Variants in EHD4 observed in about 807,000 individuals in gnomAD.
EHD4 encodes EH domain-containing protein 4.
In EHD4, 37 loss-of-function variants were observed where a neutral mutation model predicts 51.0. The observed-to-expected ratio is 0.73, with a 90% CI of 0.56 to 0.95. EHD4 has a LOEUF of 0.95. EHD4 is among the 40% of genes least tolerant of loss of function. EHD4 has a pLI of 0.00. For synonymous variants in EHD4, 297 were observed against 317.3 expected (o/e 0.94, Z 0.68); for missense variants, 632 against 733.1 (o/e 0.86, Z 1.59).
intron 1 of EHD4, among the ~76,000 whole-genome samples, chr15:41,966,722 C>T (rs757645068): frequency 6.6e-6 from 1 of 152,200 alleles, no homozygotes; most frequent in Non-Finnish European, 1.5e-5. Flanking sequence ...CTGAAGCTTG[C>T]ACATCCTGGT....
chr15:41,921,753 T>C (rs2067627043), intron 3 of EHD4: 1 of 152,230 alleles, frequency 6.6e-6, no homozygotes, highest in Non-Finnish European at 1.5e-5. Flanking sequence ...TGAGTTGCTT[T>C]TGCTGAATAC....
intron 5 of EHD4, among the ~76,000 whole-genome samples, chr15:41,904,936 T>C (rs2067502981): frequency 6.6e-6 from 1 of 152,178 alleles, no homozygotes. Flanking sequence ...CAGAATACAC[T>C]CTCCTCTCAC....
At chr15:41,952,222 C>T (rs572556589) in intron 2 of EHD4, among the ~76,000 whole-genome samples, 5 of 152,292 alleles carry the variant, frequency 3.3e-5, no homozygotes, top group African/African-American at 1.2e-4. Flanking sequence ...TGAGGCGCTT[C>T]GGCCTTTGGG....
chr15:41,931,004 G>A (rs553506418), intron 3 of EHD4, among the ~76,000 whole-genome samples: 6 of 152,226 alleles, frequency 3.9e-5, no homozygotes, highest in Non-Finnish European at 5.9e-5. Flanking sequence ...TGGTGGGCAT[G>A]TAAACAGGCA....
rs776942412 is a variant in EHD4, at chr15:41,972,244, G to A, written c.236+15C>T. The A allele has an allele frequency of 6.5e-6, 10 of 1,533,284 alleles. No individual in the cohort carries two copies. The Admixed American group carries it at 1.4e-4, about 21-fold the overall frequency. 95.0% of individuals were successfully genotyped at this position (1,533,284 alleles called of 1,614,324 possible). ...CGGAGCGGGGCGGGAGCCGGGCGAGGGGCGGTGACGGTACCTGATGAAGGT... is the reference window on the plus strand; with the variant it reads ...CGGAGCGGGGCGGGAGCCGGGCGAGAGGCGGTGACGGTACCTGATGAAGGT... On this transcript the variant is annotated intron_variant, in intron 1 of 5. Transcript: ENST00000220325.
At chr15:41,964,301 A>C (rs2067947138) in intron 1 of EHD4, among the ~76,000 whole-genome samples, 1 of 152,180 alleles carries the variant, frequency 6.6e-6, no homozygotes, top group African/African-American at 2.4e-5. Context: ...AAATTAAAAT[A>C]AGTCTGTTCT....
chr15:41,954,583 G>C (rs987650513), intron 1 of EHD4, among the ~76,000 whole-genome samples: 1 of 152,180 alleles, frequency 6.6e-6, no homozygotes, highest in African/African-American at 2.4e-5. Flanking sequence ...TTAAAAGAAT[G>C]AGAAATTAAG....
intron 1 of EHD4, among the ~76,000 whole-genome samples, chr15:41,957,583 C>A (rs746942084): frequency 4.4e-4 from 67 of 152,166 alleles, no homozygotes; most frequent in Middle Eastern, 3.2e-3. Flanking sequence ...GTCAAACTCA[C>A]AGGGTGGCCA....
rs766423022 is a variant in EHD4 at position 41,903,336 on chromosome 15, A to AAAC, written c.1090-2156_1090-2155insGTT. Among the ~76,000 whole-genome samples, 127 of 134,750 alleles carry AAAC rather than the reference A, an allele frequency of 9.4e-4. 2 individuals are homozygous for AAAC. Among genetic ancestry groups the AAAC allele is most frequent in the Non-Finnish European group, 1.3e-3 (78 of 58,952 alleles). 88.4% of individuals were successfully genotyped at this position (134,750 alleles called of 152,430 possible). On this transcript the variant is annotated intron_variant, in intron 5 of 5. Transcript: ENST00000220325. ...AAATATCATGCTTTCTTGTAAAAAAAAAAAACAGAAAAAACTGGTAAGCAA... is the reference window on the plus strand; with the variant it reads ...AAATATCATGCTTTCTTGTAAAAAAAAACAAAAACAGAAAAAACTGGTAAGCAA...
rs1186932187 is a variant in EHD4 at position 41,900,926 on chromosome 15, G to C, written c.1345C>G (p.Pro449Ala). Reference protein sequence around the residue: ...EEEWVVAKDKPVYDELFYTLS... With the variant: ...EEEWVVAKDKAVYDELFYTLS... ...GTGTAGAAGAGCTCGTCGTAGACGG[G>C]CTTGTCTTTGGCCACGACCCACTCC... Residue 449 changes from proline (P) to alanine (A), a missense_variant, in exon 6 of 6, where the codon CCC becomes GCC. Coordinates refer to ENST00000220325, the MANE Select transcript of EHD4 (RefSeq NM_139265.4). The surrounding 1 kb of genome is among the most constrained non-coding windows in gnomAD (Gnocchi z 4.8). The C allele has an allele frequency of 1.2e-6, 2 of 1,614,008 alleles. No homozygotes were observed. The highest frequency in any genetic ancestry group is 1.7e-6 in the Non-Finnish European group (2 of 1,180,000).
At chr15:41,948,404 T>C (rs1018650193) in intron 2 of EHD4, among the ~76,000 whole-genome samples, 12 of 152,234 alleles carry the variant, frequency 7.9e-5, no homozygotes, top group African/African-American at 2.9e-4. Context: ...GTGATCGGCC[T>C]GCCTCGGCCT....
At position 41,900,658 on chromosome 15, in the gene EHD4, G is replaced by C; in HGVS notation, c.1613C>G (p.Pro538Arg). Reference sequence around the variant, plus strand: ...GCAGCCCACCCCTCAGTCGGCCTTGGGCAGGGACTTCCTGTGCGAGGGGGG... The same window carrying C: ...GCAGCCCACCCCTCAGTCGGCCTTGCGCAGGGACTTCCTGTGCGAGGGGGG... The part of the protein sequence containing the change: ...LVPPSHRKSL[P>R]KAD Residue 538 changes from proline to arginine, a missense_variant, in exon 6 of 6, where the codon CCC (proline) becomes CGC (arginine). Transcript: ENST00000220325. This position sits in a 1 kb window ranked among gnomAD's most constrained non-coding sequence, Gnocchi z 4.8. The C allele has an allele frequency of 6.3e-7, 1 of 1,594,948 alleles. No individual in the cohort carries two copies. The highest frequency in any genetic ancestry group is 1.1e-5 in the South Asian group (1 of 90,654).
chr15:41,968,536 T>C (rs1171454403), intron 1 of EHD4, among the ~76,000 whole-genome samples: 1 of 146,426 alleles, frequency 6.8e-6, no homozygotes, highest in African/African-American at 2.5e-5. Flanking sequence ...ACGATCCACC[T>C]ACCTCAGTCT....
chr15:41,917,706 G>C lies in EHD4; in HGVS notation c.924+1504C>G, dbSNP rs191163482. 3.2e-3 allele frequency among the ~76,000 whole-genome samples: 494 copies of C among 152,292 alleles called. 12 individuals are homozygous for C. The highest frequency in any genetic ancestry group is 2.1e-3 in the South Asian group (10 of 4,828). On this transcript the variant is annotated intron_variant, in intron 4 of 5. Coordinates refer to ENST00000220325, the MANE Select transcript of EHD4 (RefSeq NM_139265.4). The stretch of plus-strand genomic sequence containing the variant: ...TTCCTGCTACCAAGCATTAGGCCCA[G>C]GACAAGGGCGAGGGCAAAATCATTT...
intron 2 of EHD4, among the ~76,000 whole-genome samples, chr15:41,945,851 C>A (rs2067808611): frequency 2.0e-5 from 3 of 152,238 alleles, no homozygotes; most frequent in South Asian, 2.1e-4. Flanking sequence ...AGTGAAGAAC[C>A]TGGGCTCTGC....
At position 41,943,079 on chromosome 15, in the gene EHD4, G is replaced by A. The variant is rs199518749; in HGVS notation, c.499C>T (p.Arg167Cys). 6.3e-6 allele frequency: 10 copies of A among 1,577,962 alleles called. No homozygotes were observed. The highest frequency in any genetic ancestry group is 1.3e-5 in the African/African-American group (1 of 74,634). The change falls in exon 3 of 6, where the codon CGC (arginine) becomes TGC (cysteine). Residue 167 changes from arginine (R) to cysteine (C), a missense_variant. Transcript: ENST00000220325. The stretch of plus-strand genomic sequence containing the variant: ...GACAGGCACTGACCTCGGCTGATGC[G>A]CTGCTTCTCCCCAGAAAGGATGCCG... ...SPGILSGEKQ[R>C]ISRGYDFCQV...
intron 2 of EHD4, among the ~76,000 whole-genome samples, chr15:41,944,674 T>C (rs542541600): frequency 1.7e-4 from 26 of 152,312 alleles, no homozygotes; most frequent in African/African-American, 5.5e-4. Flanking sequence ...TAGGATCCTT[T>C]TGCAGGTGGA....
chr15:41,939,199 C>T (rs2140997356), intron 3 of EHD4, among the ~76,000 whole-genome samples: 2 of 152,326 alleles, frequency 1.3e-5, no homozygotes, highest in East Asian at 3.9e-4. Flanking sequence ...TCCAAACATT[C>T]TTTCATTGGC....
intron 4 of EHD4, among the ~76,000 whole-genome samples, chr15:41,917,970 T>C (rs1189147630): frequency 2.0e-5 from 3 of 151,994 alleles, no homozygotes; most frequent in Non-Finnish European, 4.4e-5. Flanking sequence ...CGAGGTCCTG[T>C]GTGAGGGGCA....
Sources: gnomAD v4.1 joint callset for allele counts (sites outside exome capture counted in the v4.1 genomes callset) on GRCh38, gnomAD v4.1.1 for gene constraint, Gnocchi (gnomAD v3.1) non-coding constraint, MANE v1.5 for transcripts, NCBI Gene and HGNC (gene_info 2026-07-23, HGNC 2026-07-21) for gene names.